Variants in SLC8A1 observed in about 807,000 individuals in gnomAD.
SLC8A1 encodes the protein solute carrier family 8 member A1.
In SLC8A1, 18 loss-of-function variants were observed where a neutral mutation model predicts 68.3. That is an observed-to-expected ratio of 0.26 (90% CI 0.18 to 0.39). The LOEUF is 0.39. Among genes scored for constraint, SLC8A1 ranks in the 10% least tolerant of loss-of-function variants. The pLI, the probability that SLC8A1 is intolerant of heterozygous loss-of-function variation, is 1.00. For missense variants in SLC8A1, 985 were observed against 1,156.7 expected (o/e 0.85, Z 2.15); for synonymous variants, 475 against 415.5 (o/e 1.14, Z -1.74).
exon 8 of SLC8A1, chr2:40,104,686 C>T (rs767642656): frequency 6.6e-6 from 1 of 152,028 alleles, no homozygotes; most frequent in Non-Finnish European, 1.5e-5. Flanking sequence ...TCTTTATATA[C>T]CATTTAGGGT....
chr2:40,379,879 G>A (rs1681163010), intron 2 of SLC8A1, among the ~76,000 whole-genome samples: 1 of 152,028 alleles, frequency 6.6e-6, no homozygotes, highest in African/African-American at 2.4e-5. Flanking sequence ...TATACTCACA[G>A]TAAAAACTTA....
chr2:40,321,490 G>A lies in SLC8A1; in HGVS notation c.1808+106983C>T, dbSNP rs542962069. On this transcript the variant is annotated intron_variant, in intron 2 of 7. Coordinates refer to ENST00000406785, the Ensembl canonical transcript of SLC8A1. ...ACTATCTGTATTAGTCTGTTCTCATGCTACTAATAAAGACATACCCGAGAC... is the reference window on the plus strand; with the variant it reads ...ACTATCTGTATTAGTCTGTTCTCATACTACTAATAAAGACATACCCGAGAC... 3.3e-5 allele frequency among the ~76,000 whole-genome samples: 5 copies of A among 152,114 alleles called. No homozygotes were observed. The East Asian group carries it at 9.7e-4, about 30-fold the overall frequency.
intron 2 of SLC8A1, among the ~76,000 whole-genome samples, chr2:40,355,480 GAC>G (rs1323317206): frequency 6.6e-6 from 1 of 152,106 alleles, no homozygotes; most frequent in Non-Finnish European, 1.5e-5. Context: ...GGGTGGGAGA[GAC>G]AGCACTTCTA....
chr2:40,119,114 C>T (rs1264571400), intron 7 of SLC8A1, among the ~76,000 whole-genome samples: 1 of 152,064 alleles, frequency 6.6e-6, no homozygotes, highest in African/African-American at 2.4e-5. Context: ...TATCAGTAGC[C>T]TATTAATGTG....
chr2:40,345,032 T>C (rs1181200254), intron 2 of SLC8A1, among the ~76,000 whole-genome samples: 1 of 152,224 alleles, frequency 6.6e-6, no homozygotes, highest in Non-Finnish European at 1.5e-5. Context: ...CAAGAGGCTA[T>C]AAGCCATGGA....
chr2:40,238,528 C>G (rs111837231), intron 2 of SLC8A1, among the ~76,000 whole-genome samples: 9 of 152,158 alleles, frequency 5.9e-5, no homozygotes, highest in African/African-American at 1.7e-4. Flanking sequence ...GAGATGAACC[C>G]AGTACCTCAG....
At chr2:40,475,588 C>CAT (rs888070212) in intron 1 of SLC8A1, among the ~76,000 whole-genome samples, 27 of 151,956 alleles carry the variant, frequency 1.8e-4, no homozygotes, top group Non-Finnish European at 8.8e-5. Context: ...AACATAAATA[C>CAT]ATATGTACAT....
chr2:40,115,547 C>G lies in SLC8A1; in HGVS notation c.2520G>C (p.Val840=), dbSNP rs765449185. ...CCACACCGATTCCCAGGAAGACATT[C>G]ACCGCGTTGCTGCCCGTGACGTTAC... The change falls in exon 8 of 8, where the codon GTG becomes GTC. Residue 840 remains valine, a synonymous_variant. Coordinates refer to ENST00000406785, the Ensembl canonical transcript of SLC8A1. The G allele has an allele frequency of 8.9e-5, 144 of 1,614,112 alleles. 3 individuals carry two copies. The Middle Eastern group carries it at 1.2e-3, about 13-fold the overall frequency.
chr2:40,132,817 A>C (rs1278298020), intron 7 of SLC8A1, among the ~76,000 whole-genome samples: 1 of 152,192 alleles, frequency 6.6e-6, no homozygotes, highest in East Asian at 1.9e-4. Flanking sequence ...GACATAACCT[A>C]AGTAAGATAA....
intron 2 of SLC8A1, among the ~76,000 whole-genome samples, chr2:40,367,869 C>A (rs113885542): frequency 7.9e-5 from 12 of 152,050 alleles, no homozygotes; most frequent in Admixed American, 7.2e-4. Flanking sequence ...CACAACCCCC[C>A]ACATCTTGTT....
chr2:40,235,526 T>A (rs1281857375), intron 2 of SLC8A1, among the ~76,000 whole-genome samples: 1 of 152,134 alleles, frequency 6.6e-6, no homozygotes, highest in Non-Finnish European at 1.5e-5. Flanking sequence ...GTCTATCAAT[T>A]TTGTTGATCC....
chr2:40,107,295 A>AAAAAAG lies in SLC8A1; in HGVS notation c.*7957_*7958insCTTTTT, dbSNP rs1321699716. The stretch of plus-strand genomic sequence containing the variant: ...ACTCCGTCTCAAAAAAAAAAAAAAA[A>AAAAAAG]AAAAGAAAATGCCGATTAACAACAG... On this transcript the variant is annotated 3_prime_UTR_variant, in exon 8 of 8. Transcript: ENST00000406785. 4.7e-5 allele frequency: 7 copies of AAAAAAG among 148,218 alleles called. No homozygotes were observed. In the East Asian group the frequency reaches 1.4e-3, roughly 29 times the overall value. The allele number at this position is 148,218 out of a possible 1,614,324, so 9.2% of individuals were successfully genotyped here.
chr2:40,407,098 ACT>A (rs1690614379), intron 2 of SLC8A1, among the ~76,000 whole-genome samples: 1 of 151,862 alleles, frequency 6.6e-6, no homozygotes, highest in Non-Finnish European at 1.5e-5. Flanking sequence ...AGGGAGTCTC[ACT>A]CTGTCATCCA....
At chr2:40,294,570 A>G (rs1410061876) in intron 2 of SLC8A1, among the ~76,000 whole-genome samples, 1 of 152,158 alleles carries the variant, frequency 6.6e-6, no homozygotes, top group Non-Finnish European at 1.5e-5. Context: ...AGGGAGAGAG[A>G]GAGGGATACA....
intron 7 of SLC8A1, among the ~76,000 whole-genome samples, chr2:40,124,529 T>C (rs1434430330): frequency 3.9e-5 from 6 of 152,234 alleles, no homozygotes; most frequent in Non-Finnish European, 8.8e-5. Context: ...GCCTTCCACC[T>C]TGCTGTGATT....
intron 3 of SLC8A1, among the ~76,000 whole-genome samples, chr2:40,177,372 T>C (rs2048669526): frequency 6.6e-6 from 1 of 152,232 alleles, no homozygotes; most frequent in African/African-American, 2.4e-5. Flanking sequence ...TATTGAGGTA[T>C]GATTGATGAG....
intron 1 of SLC8A1, among the ~76,000 whole-genome samples, chr2:40,448,000 G>A (rs566589433): frequency 6.6e-6 from 1 of 152,272 alleles, no homozygotes; most frequent in East Asian, 1.9e-4. Flanking sequence ...GCAGATCAAA[G>A]GACAATCACA....
At chr2:40,156,390 T>G (rs1334408052) in intron 6 of SLC8A1, among the ~76,000 whole-genome samples, 1 of 144,982 alleles carries the variant, frequency 6.9e-6, no homozygotes, top group African/African-American at 2.5e-5. Flanking sequence ...CTTTTGAGTA[T>G]TCTTTCGTTA....
chr2:40,326,714 A>G (rs1055516516), intron 2 of SLC8A1, among the ~76,000 whole-genome samples: 1 of 152,152 alleles, frequency 6.6e-6, no homozygotes, highest in African/African-American at 2.4e-5. Flanking sequence ...ATGGGCTACT[A>G]ATGGTTCTTG....
Sources: allele counts gnomAD v4.1 joint callset (sites outside exome capture counted in the v4.1 genomes callset), GRCh38; gene constraint gnomAD v4.1.1; transcripts MANE v1.5; gene names NCBI Gene and HGNC (gene_info 2026-07-23, HGNC 2026-07-21).